SKAP2: variants seen among roughly 807,000 people sequenced by gnomAD.
The protein encoded by SKAP2 is src kinase-associated phosphoprotein 2.
SKAP2 carries 28 observed loss-of-function variants against 54.9 expected under a neutral mutation model. The ratio of observed to expected loss-of-function variants is 0.51; its 90% CI spans 0.38 to 0.70. The LOEUF (loss-of-function observed/expected upper bound fraction) is 0.70. SKAP2 is among the 30% of genes least tolerant of loss of function. The pLI, the probability that SKAP2 is intolerant of heterozygous loss-of-function variation, is 0.00. For synonymous variants in SKAP2, 137 were observed against 134.3 expected (o/e 1.02, Z -0.14); for missense variants, 356 against 424.1 (o/e 0.84, Z 1.41).
At chr7:26,843,890 T>G (rs1405262108) in intron 4 of SKAP2, 140 bp downstream of exon 4, 4 of 542,940 alleles carry the variant, frequency 7.4e-6, no homozygotes, top group African/African-American at 1.9e-5. Flanking sequence ...TAGAGAGAGC[T>G]CTTCTGTTCC....
At chr7:26,822,368 A>G (rs1187271644) in intron 4 of SKAP2, among the ~76,000 whole-genome samples, 2 of 152,080 alleles carry the variant, frequency 1.3e-5, no homozygotes, top group Admixed American at 6.6e-5. Context: ...CATTATTATT[A>G]TATCTGTTAT....
chr7:26,787,082 T>C (rs1783562992), intron 4 of SKAP2, among the ~76,000 whole-genome samples: 1 of 152,220 alleles, frequency 6.6e-6, no homozygotes, highest in Non-Finnish European at 1.5e-5. Flanking sequence ...GATCCAGCTA[T>C]CTCATATTAG....
intron 4 of SKAP2, among the ~76,000 whole-genome samples, chr7:26,830,459 T>TACC (rs1784574953): frequency 6.6e-6 from 1 of 152,174 alleles, no homozygotes; most frequent in Non-Finnish European, 1.5e-5. Context: ...TCCTAGACCC[T>TACC]ACCCCTAAAC....
At chr7:26,719,373 C>T (rs948807992) in intron 9 of SKAP2, among the ~76,000 whole-genome samples, 1 of 152,142 alleles carries the variant, frequency 6.6e-6, no homozygotes, top group Non-Finnish European at 1.5e-5. Context: ...CTAGCCTCTT[C>T]AAAGTCCAGG....
chr7:26,807,785 C>T (rs891216840), intron 4 of SKAP2, among the ~76,000 whole-genome samples: 1 of 152,172 alleles, frequency 6.6e-6, no homozygotes, highest in Non-Finnish European at 1.5e-5. Context: ...CAACCACTGT[C>T]CTGATTAGTC....
intron 4 of SKAP2, among the ~76,000 whole-genome samples, chr7:26,826,005 C>T (rs1469928907): frequency 6.6e-6 from 1 of 151,986 alleles, no homozygotes; most frequent in African/African-American, 2.4e-5. Context: ...CTCAGTTTTC[C>T]TTTGGAGAAT....
At chr7:26,680,304 G>C (rs1786463714) in intron 11 of SKAP2, among the ~76,000 whole-genome samples, 1 of 152,012 alleles carries the variant, frequency 6.6e-6, no homozygotes, top group Admixed American at 6.6e-5. Flanking sequence ...TATATAATCT[G>C]GATCCTGCTA....
At chr7:26,684,941 A>G (rs1786597887) in intron 10 of SKAP2, 93 bp from the exon 11 acceptor site, 1 of 702,752 alleles carries the variant, frequency 1.4e-6, no homozygotes, top group Non-Finnish European at 2.5e-6. Flanking sequence ...GATGCCCTAG[A>G]TCACTAAAAT....
intron 6 of SKAP2, among the ~76,000 whole-genome samples, chr7:26,733,838 C>T (rs1188267694): frequency 6.6e-6 from 1 of 152,108 alleles, no homozygotes; most frequent in Non-Finnish European, 1.5e-5. Flanking sequence ...TAGATCAGGG[C>T]TACTTGTAGC....
At position 26,806,010 on chromosome 7, in the gene SKAP2, T is replaced by C. The variant is rs150740581; in HGVS notation, c.307+38020A>G. Among the ~76,000 whole-genome samples, 1,227 of 152,310 alleles carry C rather than the reference T, an allele frequency of 8.1e-3. 8 individuals are homozygous for C. Among genetic ancestry groups the C allele is most frequent in the Admixed American group, 0.018 (279 of 15,298 alleles). ...ATCTGAAACTTTTTCATTATTATTA[T>C]ATCTGTTACGGTGATCTATAGTTAC... On this transcript the variant is annotated intron_variant, in intron 4 of 12. Transcript: ENST00000345317.
chr7:26,840,104 C>T (rs898085835), intron 4 of SKAP2, among the ~76,000 whole-genome samples: 1 of 152,040 alleles, frequency 6.6e-6, no homozygotes, highest in African/African-American at 2.4e-5. Flanking sequence ...ACCTGTGTCT[C>T]GCAATGCCCA....
intron 4 of SKAP2, among the ~76,000 whole-genome samples, chr7:26,741,572 A>AAATT (rs1782456689): frequency 6.9e-5 from 2 of 28,910 alleles, no homozygotes; most frequent in Non-Finnish European, 3.3e-4. Context: ...ATAAATAAAT[A>AAATT]AATAAATTAA....
intron 4 of SKAP2, among the ~76,000 whole-genome samples, chr7:26,807,028 T>C (rs993116205): frequency 1.3e-5 from 2 of 152,138 alleles, no homozygotes; most frequent in African/African-American, 4.8e-5. Flanking sequence ...CAATTAGAAG[T>C]AGGCCCTGAA....
At chr7:26,812,744 G>A (rs987628864) in intron 4 of SKAP2, among the ~76,000 whole-genome samples, 6 of 151,712 alleles carry the variant, frequency 4.0e-5, no homozygotes, top group East Asian at 3.9e-4. Flanking sequence ...ATCTATGGTC[G>A]TATCACTTTT....
rs551887024 is a variant in SKAP2, at chr7:26,829,479, G to A, written c.307+14551C>T. Among the ~76,000 whole-genome samples the A allele has an allele frequency of 3.9e-4, 59 of 152,226 alleles. No individual in the cohort carries two copies. The East Asian group carries it at 0.011, about 28-fold the overall frequency. On this transcript the variant is annotated intron_variant, in intron 4 of 12. Coordinates refer to ENST00000345317, the MANE Select transcript of SKAP2 (RefSeq NM_003930.5). ...GATTCGTTGAGCCCAGGAGGTAGAGGCTACAGAGGGCCCTGATCATACCAC... is the reference window on the plus strand; with the variant it reads ...GATTCGTTGAGCCCAGGAGGTAGAGACTACAGAGGGCCCTGATCATACCAC...
chr7:26,800,256 T>C (rs1783885382), intron 4 of SKAP2, among the ~76,000 whole-genome samples: 2 of 152,158 alleles, frequency 1.3e-5, no homozygotes, highest in South Asian at 4.1e-4. Context: ...TTAAACAGTA[T>C]ACTCTTGAAT....
chr7:26,726,681 TC>T lies in SKAP2; in HGVS notation c.594+200del, dbSNP rs1787716374. 7 of 414,526 alleles carry T rather than the reference TC, an allele frequency of 1.7e-5. No homozygotes were observed. In the South Asian group the frequency reaches 2.7e-4, roughly 16 times the overall value. The allele number at this position is 414,526 out of a possible 1,614,324, so 25.7% of individuals were successfully genotyped here. On this transcript the variant is annotated intron_variant, in intron 7 of 12. Transcript: ENST00000345317. ...AAATTATATATTCTCTTTATCTTTT[TC>T]AAGAAGATAGTGTGTGAATTAATCT...
At chr7:26,832,864 T>C (rs921948677) in intron 4 of SKAP2, among the ~76,000 whole-genome samples, 1 of 152,112 alleles carries the variant, frequency 6.6e-6, no homozygotes, top group Non-Finnish European at 1.5e-5. Flanking sequence ...CAAGCAAAGA[T>C]ACAGGATGAT....
chr7:26,862,563 G>C (rs928192709), intron 1 of SKAP2, among the ~76,000 whole-genome samples: 1 of 152,008 alleles, frequency 6.6e-6, no homozygotes, highest in African/African-American at 2.4e-5. Flanking sequence ...TGCTATGCTA[G>C]TATATTACCT....
Sources: gnomAD v4.1 joint callset for allele counts (sites outside exome capture counted in the v4.1 genomes callset) on GRCh38, gnomAD v4.1.1 for gene constraint, MANE v1.5 for transcripts, NCBI Gene and HGNC (gene_info 2026-07-23, HGNC 2026-07-21) for gene names.